Variants in TENM4 observed in about 807,000 individuals in gnomAD.
TENM4 encodes teneurin-4.
TENM4 carries 82 observed loss-of-function variants against 243.3 expected under a neutral mutation model. That is an observed-to-expected ratio of 0.34 (90% CI 0.28 to 0.40). The LOEUF is 0.40. Among genes scored for constraint, TENM4 ranks in the 10% least tolerant of loss-of-function variants. The pLI is 1.00. For synonymous variants in TENM4, 1,412 were observed against 1,456.3 expected (o/e 0.97, Z 0.69); for missense variants, 3,138 against 3,673.3 (o/e 0.85, Z 3.77).
intron 3 of TENM4, among the ~76,000 whole-genome samples, chr11:79,151,369 TA>T (rs1424214419): frequency 6.6e-6 from 1 of 152,198 alleles, no homozygotes; most frequent in Non-Finnish European, 1.5e-5. Context: ...ACAAGTATAG[TA>T]GAAGATTGCT....
chr11:78,863,090 T>C lies in TENM4; in HGVS notation c.1127A>G (p.Glu376Gly). The C allele has an allele frequency of 2.0e-6, 3 of 1,530,994 alleles. No individual in the cohort carries two copies. Among genetic ancestry groups the C allele is most frequent in the Non-Finnish European group, 2.7e-6 (3 of 1,131,712 alleles). 94.8% of individuals were successfully genotyped at this position (1,530,994 alleles called of 1,614,324 possible). A position where few individuals can be genotyped will look rare whatever the true frequency, so the allele number is the denominator to read the frequency against. Residue 376 changes from glutamate (E) to glycine (G), a missense_variant, in exon 10 of 34, where the codon GAG becomes GGG. By Grantham distance (98) the Glu-to-Gly change is moderately conservative. Transcript: ENST00000278550. The part of the protein sequence containing the change: ...FGLNWHLQPM[E>G]GQMYEITEDT... ...CTCCGTGATCTCATACATCTGCCCC[T>C]CCATCGGCTGCAGGTGCCAGTTTAG...
intron 3 of TENM4, among the ~76,000 whole-genome samples, chr11:79,195,100 G>A (rs1192256911): frequency 6.6e-6 from 1 of 152,228 alleles, no homozygotes; most frequent in African/African-American, 2.4e-5. Flanking sequence ...GCCTCCACAT[G>A]GTGTTGAGCC....
At chr11:79,324,120 A>T (rs923448220) in intron 1 of TENM4, among the ~76,000 whole-genome samples, 51 of 152,184 alleles carry the variant, frequency 3.4e-4, no homozygotes, top group African/African-American at 1.2e-3. Context: ...ATTATTTATA[A>T]TGCCTAATAT....
At chr11:78,713,913 G>T (rs953710568) in intron 25 of TENM4, among the ~76,000 whole-genome samples, 1 of 152,076 alleles carries the variant, frequency 6.6e-6, no homozygotes, top group Non-Finnish European at 1.5e-5. Flanking sequence ...CCTGTGCATG[G>T]TCTGAACATT....
intron 20 of TENM4, among the ~76,000 whole-genome samples, chr11:78,737,216 G>T (rs1001776607): frequency 6.6e-6 from 1 of 152,210 alleles, no homozygotes; most frequent in East Asian, 1.9e-4. Flanking sequence ...CATACAGCAG[G>T]CAGCATCCTT....
chr11:79,007,291 G>A (rs1858509882), intron 6 of TENM4, among the ~76,000 whole-genome samples: 3 of 152,302 alleles, frequency 2.0e-5, no homozygotes, highest in South Asian at 4.1e-4. Context: ...TGGGTAGAAA[G>A]AGTGGGGGCT....
At chr11:78,973,776 A>C (rs907925876) in intron 6 of TENM4, among the ~76,000 whole-genome samples, 1 of 151,128 alleles carries the variant, frequency 6.6e-6, no homozygotes, top group Non-Finnish European at 1.5e-5. Context: ...ATAATGGCAA[A>C]AACCATAATT....
At chr11:79,045,035 C>G (rs1246581199) in intron 6 of TENM4, among the ~76,000 whole-genome samples, 4 of 152,174 alleles carry the variant, frequency 2.6e-5, no homozygotes, top group African/African-American at 7.2e-5. Flanking sequence ...TCGTGACTAC[C>G]TGGTTCTAGA....
chr11:78,766,730 T>C (rs61883901), intron 18 of TENM4, among the ~76,000 whole-genome samples: 1,775 of 143,674 alleles, frequency 0.012, 18 homozygotes, highest in Non-Finnish European at 0.021. Context: ...TTTGACAGAG[T>C]CCTCCTCTGT....
intron 19 of TENM4, among the ~76,000 whole-genome samples, chr11:78,743,966 G>A (rs1481157457): frequency 6.6e-6 from 1 of 152,128 alleles, no homozygotes; most frequent in Admixed American, 6.6e-5. Context: ...TGCCATTATT[G>A]ATTATGTAAA....
chr11:78,707,263 A>G (rs1424096159), intron 27 of TENM4, among the ~76,000 whole-genome samples: 1 of 152,240 alleles, frequency 6.6e-6, no homozygotes, highest in Admixed American at 6.5e-5. Flanking sequence ...AATGTTGGCA[A>G]GATTCAGCAC....
At chr11:79,229,757 C>T (rs1405849338) in intron 2 of TENM4, among the ~76,000 whole-genome samples, 3 of 152,158 alleles carry the variant, frequency 2.0e-5, no homozygotes, top group Non-Finnish European at 4.4e-5. Flanking sequence ...AAGGACAGTG[C>T]TTGACACACA....
chr11:79,218,714 C>T (rs1864104248), intron 2 of TENM4, among the ~76,000 whole-genome samples: 1 of 152,172 alleles, frequency 6.6e-6, no homozygotes, highest in African/African-American at 2.4e-5. Context: ...ATTTCCTTTT[C>T]AAATCCCATC....
At chr11:79,247,425 A>G (rs1484327484) in intron 2 of TENM4, among the ~76,000 whole-genome samples, 2 of 151,056 alleles carry the variant, frequency 1.3e-5, no homozygotes, top group African/African-American at 4.9e-5. Context: ...TCAAAAAAAA[A>G]AAAAAAAAAA....
chr11:79,414,638 T>C (rs1858774286), intron 1 of TENM4, among the ~76,000 whole-genome samples: 1 of 152,240 alleles, frequency 6.6e-6, no homozygotes, highest in Non-Finnish European at 1.5e-5. Context: ...GATGTAACTC[T>C]TTGAGCCCTA....
intron 25 of TENM4, among the ~76,000 whole-genome samples, chr11:78,717,660 C>T (rs1327436594): frequency 3.9e-5 from 6 of 152,230 alleles, no homozygotes; most frequent in African/African-American, 1.4e-4. Flanking sequence ...CAATAAATGG[C>T]AGCTTTTAAG....
chr11:79,345,195 G>A (rs1358891345), intron 1 of TENM4, among the ~76,000 whole-genome samples: 1 of 152,186 alleles, frequency 6.6e-6, no homozygotes, highest in East Asian at 1.9e-4. Context: ...TGAACCCAAA[G>A]GGGAGGGAGC....
intron 12 of TENM4, among the ~76,000 whole-genome samples, chr11:78,846,167 T>C (rs1858388406): frequency 6.6e-6 from 1 of 152,264 alleles, no homozygotes; most frequent in Non-Finnish European, 1.5e-5. Context: ...ATTTCCTATT[T>C]ATGAGATCTT....
At chr11:79,170,815 C>T (rs1275838132) in intron 3 of TENM4, among the ~76,000 whole-genome samples, 1 of 152,126 alleles carries the variant, frequency 6.6e-6, no homozygotes. Flanking sequence ...TCTTATGGAA[C>T]CTAGCAAACT....
Sources: allele counts gnomAD v4.1 joint callset (sites outside exome capture counted in the v4.1 genomes callset), GRCh38; gene constraint gnomAD v4.1.1; transcripts MANE v1.5; gene names NCBI Gene and HGNC (gene_info 2026-07-23, HGNC 2026-07-21).